Variants in DGCR2 observed in about 807,000 individuals in gnomAD.
DGCR2 encodes the protein DiGeorge syndrome critical region gene 2, also known as integral membrane protein DGCR2/IDD.
DGCR2 carries 24 observed loss-of-function variants against 51.6 expected under a neutral mutation model. That is an observed-to-expected ratio of 0.47 (90% confidence interval 0.34 to 0.65). DGCR2 has a LOEUF of 0.65. DGCR2 is among the 30% of genes least tolerant of loss of function. DGCR2 has a pLI of 0.01. For synonymous variants in DGCR2, 340 were observed against 315.4 expected, an observed-to-expected ratio of 1.08 and a Z score of -0.82; for missense variants, 765 against 772.1, an observed-to-expected ratio of 0.99 and a Z score of 0.11.
At chr22:19,092,588 G>C (rs548980256) in intron 1 of DGCR2, among the ~76,000 whole-genome samples, 1 of 152,054 alleles carries the variant, frequency 6.6e-6, no homozygotes, top group Admixed American at 6.6e-5. Flanking sequence ...AATCTTCAAA[G>C]GAAACTCCAG....
chr22:19,082,993 A>G (rs1008050654), intron 2 of DGCR2, among the ~76,000 whole-genome samples: 1 of 150,934 alleles, frequency 6.6e-6, no homozygotes, highest in East Asian at 2.0e-4. Flanking sequence ...AGACTGAGGT[A>G]GGAGGATGGC....
intron 1 of DGCR2, among the ~76,000 whole-genome samples, chr22:19,115,191 GCCACAT>G (rs2083360613): frequency 6.6e-6 from 1 of 152,220 alleles, no homozygotes. Context: ...GGAAGGTCCA[GCCACAT>G]CCTCACACAG....
intron 1 of DGCR2, chr22:19,121,450 T>G (rs891711089): frequency 5.3e-5 from 8 of 152,042 alleles, no homozygotes; most frequent in African/African-American, 1.7e-4. Flanking sequence ...CCGAAATAGG[T>G]AGAAAAGGGT....
chr22:19,117,909 G>T (rs2083390266), intron 1 of DGCR2, among the ~76,000 whole-genome samples: 1 of 152,218 alleles, frequency 6.6e-6, no homozygotes, highest in Non-Finnish European at 1.5e-5. Context: ...AAGTGTCACA[G>T]TACTGGCTAC....
At position 19,082,064 on chromosome 22, in the gene DGCR2, G is replaced by T. The variant is rs199981295; in HGVS notation, c.202+7304C>A. Among the ~76,000 whole-genome samples the T allele has an allele frequency of 7.7e-3, 796 of 103,506 alleles. 6 individuals are homozygous for T. The highest frequency in any genetic ancestry group is 0.017 in the South Asian group (43 of 2,474). 67.9% of individuals were successfully genotyped at this position (103,506 alleles called of 152,430 possible). ...ACTGGTGTTTTTTGGGGTTTTTTTT[G>T]TTTTTTTTTTTTTGAAACAGGGTCT... On this transcript the variant is annotated intron_variant, in intron 2 of 9. Coordinates refer to ENST00000263196, the MANE Select transcript of DGCR2 (RefSeq NM_005137.3).
chr22:19,109,943 G>A (rs1021127739), intron 1 of DGCR2, among the ~76,000 whole-genome samples: 4 of 152,240 alleles, frequency 2.6e-5, no homozygotes. Flanking sequence ...AGGAGACTGA[G>A]CCTACAGCCC....
In DGCR2 at chr22:19,037,410, C is replaced by T. The variant is rs1223955892; in HGVS notation, c.*1455G>A. 1 of 152,176 alleles carries T rather than the reference C, an allele frequency of 6.6e-6. No individual in the cohort carries two copies. Among genetic ancestry groups the T allele is most frequent in the South Asian group, 2.1e-4 (1 of 4,822 alleles). The allele number at this position is 152,176 out of a possible 1,614,324, so 9.4% of individuals were successfully genotyped here. A position where few individuals can be genotyped will look rare whatever the true frequency, so the allele number is the denominator to read the frequency against. ...GTGGACTGTGCATGGAGTCCATCCCCGAGCAGCACCACAGAACTGCATGCT... is the reference window on the plus strand; with the variant it reads ...GTGGACTGTGCATGGAGTCCATCCCTGAGCAGCACCACAGAACTGCATGCT... On this transcript the variant is annotated 3_prime_UTR_variant, in exon 10 of 10. Coordinates refer to ENST00000263196, the MANE Select transcript of DGCR2 (RefSeq NM_005137.3).
At chr22:19,069,175 C>T (rs1449308365) in intron 2 of DGCR2, among the ~76,000 whole-genome samples, 1 of 152,248 alleles carries the variant, frequency 6.6e-6, no homozygotes, top group African/African-American at 2.4e-5. Flanking sequence ...AGACAGACGC[C>T]TGCCAGCAAG....
chr22:19,069,767 G>T (rs185231622), intron 2 of DGCR2, among the ~76,000 whole-genome samples: 1 of 152,194 alleles, frequency 6.6e-6, no homozygotes, highest in Non-Finnish European at 1.5e-5. Context: ...ACACAAGTGC[G>T]TATGTAGTCT....
At chr22:19,093,849 C>CA (rs759284811) in intron 1 of DGCR2, among the ~76,000 whole-genome samples, 1 of 150,716 alleles carries the variant, frequency 6.6e-6, no homozygotes, top group Non-Finnish European at 1.5e-5. Context: ...AAAAAAAAAA[C>CA]AAAAAAATTA....
At chr22:19,086,588 G>A (rs1359075984) in intron 2 of DGCR2, among the ~76,000 whole-genome samples, 1 of 152,132 alleles carries the variant, frequency 6.6e-6, no homozygotes, top group Non-Finnish European at 1.5e-5. Flanking sequence ...AGCCTTGTCA[G>A]GGCAGTGGCC....
chr22:19,122,186 G>T lies in DGCR2; in HGVS notation c.21C>A (p.Ser7Arg), dbSNP rs761668933. 1 of 1,510,152 alleles carries T rather than the reference G, an allele frequency of 6.6e-7. No homozygotes were observed. 93.5% of individuals were successfully genotyped at this position (1,510,152 alleles called of 1,614,324 possible). The change falls in exon 1 of 10, where the codon AGC becomes AGA. Residue 7 changes from serine to arginine, a missense_variant. By Grantham distance (110) the Ser-to-Arg change is moderately radical (BLOSUM62 -1). Transcript: ENST00000263196. ...GCAGGAAGAGCAGCAGGAAGGCGCCGCTGTCTGCCTTGGGCACCATTTATC... is the reference window on the plus strand; with the variant it reads ...GCAGGAAGAGCAGCAGGAAGGCGCCTCTGTCTGCCTTGGGCACCATTTATC... MVPKAD[S>R]GAFLLLFLLV... is the part of the protein sequence containing the mutation.
intron 2 of DGCR2, among the ~76,000 whole-genome samples, chr22:19,087,442 C>T (rs1294203540): frequency 6.6e-6 from 1 of 152,062 alleles, no homozygotes; most frequent in Non-Finnish European, 1.5e-5. Flanking sequence ...CAGGCTGGAG[C>T]GCACTGGCAT....
At chr22:19,071,268 GA>G (rs1322262995) in intron 2 of DGCR2, among the ~76,000 whole-genome samples, 1 of 152,216 alleles carries the variant, frequency 6.6e-6, no homozygotes, top group Non-Finnish European at 1.5e-5. Context: ...CCCAGCACAG[GA>G]ACACACTGGA....
intron 9 of DGCR2, among the ~76,000 whole-genome samples, chr22:19,040,340 A>C (rs1459225831): frequency 2.0e-5 from 3 of 152,198 alleles, no homozygotes; most frequent in Admixed American, 2.0e-4. Context: ...CACAATGCCC[A>C]TTCTGCCGAG....
At chr22:19,048,343 A>G (rs1203786576) in intron 7 of DGCR2, 97 bp downstream of exon 7, 1 of 1,321,660 alleles carries the variant, frequency 7.6e-7, no homozygotes, top group Non-Finnish European at 1.1e-6. Flanking sequence ...TGCTCCATAA[A>G]CTCTCCTGAG....
At chr22:19,093,582 G>A (rs1404940981) in intron 1 of DGCR2, among the ~76,000 whole-genome samples, 1 of 152,126 alleles carries the variant, frequency 6.6e-6, no homozygotes, top group Non-Finnish European at 1.5e-5. Flanking sequence ...TTAAGATAAT[G>A]CATAGACAAA....
intron 5 of DGCR2, among the ~76,000 whole-genome samples, chr22:19,060,316 CAGAG>C (rs768355801): frequency 6.6e-5 from 10 of 152,170 alleles, no homozygotes; most frequent in Non-Finnish European, 1.0e-4. Flanking sequence ...GGTACAGCAC[CAGAG>C]AAAGAAGAAG....
At chr22:19,042,970 A>T (rs2146304247) in intron 7 of DGCR2, among the ~76,000 whole-genome samples, 1 of 150,648 alleles carries the variant, frequency 6.6e-6, no homozygotes, top group Middle Eastern at 3.5e-3. Flanking sequence ...ACTGGGTCTC[A>T]CAGGCTCCCC....
Sources: allele counts gnomAD v4.1 joint callset (sites outside exome capture counted in the v4.1 genomes callset), GRCh38; gene constraint gnomAD v4.1.1; transcripts MANE v1.5; gene names NCBI Gene and HGNC (gene_info 2026-07-23, HGNC 2026-07-21).